The following FPGS variants were observed in gnomAD, a reference collection of about 807,000 sequenced individuals.
The protein encoded by FPGS is folylpolyglutamate synthase, mitochondrial.
A neutral mutation model predicts 66.5 loss-of-function variants in FPGS; 53 were observed. That is an observed-to-expected ratio of 0.80 (90% CI 0.64 to 1.00). The LOEUF (loss-of-function observed/expected upper bound fraction) is 1.00. Ranked by LOEUF, FPGS falls within the 50% of genes least tolerant of loss-of-function variation. The probability of loss-of-function intolerance (pLI) is 0.00; values close to 1 mark genes in which losing one functional copy is unlikely to be tolerated. For missense variants in FPGS, 702 were observed against 807.7 expected (o/e 0.87, Z 1.59); for synonymous variants, 348 against 350.9 (o/e 0.99, Z 0.09).
chr9:127,808,777 A>G (rs1374039900), intron 10 of FPGS, 23 bp from the exon 11 acceptor site: 6 of 1,555,388 alleles, frequency 3.9e-6, no homozygotes, highest in East Asian at 2.4e-5. Flanking sequence ...TCCCGGACAC[A>G]CTTGGTCTCA....
intron 14 of FPGS, among the ~76,000 whole-genome samples, chr9:127,811,314 A>C (rs985314604): frequency 3.5e-5 from 5 of 140,948 alleles, no homozygotes; most frequent in African/African-American, 1.2e-4. Flanking sequence ...CCGTCTCTAC[A>C]AAAAAAAAAT....
chr9:127,803,199 C>G (rs1196397857), intron 1 of FPGS, 137 bp downstream of exon 1: 13 of 1,251,652 alleles, frequency 1.0e-5, no homozygotes, highest in African/African-American at 4.7e-5. Context: ...GGCGGAACAT[C>G]CTGGAGGCTG....
chr9:127,812,186 C>T (rs767056340), intron 14 of FPGS, among the ~76,000 whole-genome samples: 2 of 152,112 alleles, frequency 1.3e-5, no homozygotes, highest in African/African-American at 2.4e-5. Flanking sequence ...AAGGTGGAGG[C>T]TGCAGTGAGT....
chr9:127,805,186 G>C (rs1829761057), intron 4 of FPGS, among the ~76,000 whole-genome samples: 1 of 151,980 alleles, frequency 6.6e-6, no homozygotes, highest in Admixed American at 6.6e-5. Context: ...ACGGTGCCTG[G>C]CCTTAATTTT....
In FPGS at chr9:127,804,701, G is replaced by A; in HGVS notation, c.386+1G>A. 6.2e-7 allele frequency: 1 copy of A among 1,613,926 alleles called. No individual in the cohort carries two copies. ...ATGGCCTGAAGACGGGATTCTTTAGGTACTGGCTTGTGGGGGGATGTGGTG... is the reference window on the plus strand; with the variant it reads ...ATGGCCTGAAGACGGGATTCTTTAGATACTGGCTTGTGGGGGGATGTGGTG... On this transcript the variant is annotated splice_donor_variant, in intron 4 of 14. Coordinates refer to ENST00000373247, the MANE Select transcript of FPGS (RefSeq NM_004957.6). LOFTEE classifies it high-confidence loss of function.
rs543307606 is a variant in FPGS, at chr9:127,808,888, C to G, written c.1059C>G (p.Leu353=). 5 of 1,557,830 alleles carry G rather than the reference C, an allele frequency of 3.2e-6. No homozygotes were observed. The African/African-American group carries it at 6.8e-5, about 21-fold the overall frequency. ...PVFQPTSHMR[L]GLRNTEWPGR... is the part of the protein sequence containing the mutation. ...TCCAGCCCACATCCCACATGCGGCT[C>G]GGTGAGTTAGACCTTCCTGCCCAGC... The change falls in exon 11 of 15, where the codon CTC becomes CTG. Residue 353 remains leucine (L), a splice_region_variant and synonymous_variant. Coordinates refer to ENST00000373247, the MANE Select transcript of FPGS (RefSeq NM_004957.6).
At position 127,810,999 on chromosome 9, in the gene FPGS, A is replaced by C; in HGVS notation, c.1342A>C (p.Thr448Pro). ...FCPNLTEVSSTGNADQQNFTV... is the reference protein window; with the variant it reads ...FCPNLTEVSSPGNADQQNFTV... ...CCCTAACCTGACAGAGGTGTCATCC[A>C]CAGGCAACGCAGGTGAGAGGTGACA... Residue 448 changes from threonine (T) to proline (P), a missense_variant, in exon 14 of 15, where the codon ACA becomes CCA. Transcript: ENST00000373247. 3 of 1,590,416 alleles carry C rather than the reference A, an allele frequency of 1.9e-6. No individual in the cohort carries two copies. Among genetic ancestry groups the C allele is most frequent in the Middle Eastern group, 1.7e-4 (1 of 6,022 alleles).
downstream of FPGS, chr9:127,814,138 G>T (rs140793659): frequency 2.0e-6 from 2 of 986,100 alleles, no homozygotes; most frequent in East Asian, 1.1e-4. Context: ...GGTGGTCAGG[G>T]ACCTGCACTG....
Position 127,807,132 on chromosome 9 carries a change from C to T in FPGS, c.501+45C>T. 1.9e-6 allele frequency: 3 copies of T among 1,609,060 alleles called. No individual in the cohort carries two copies. In the South Asian group the frequency reaches 3.3e-5, roughly 18 times the overall value. On this transcript the variant is annotated intron_variant, in intron 5 of 14. Coordinates refer to ENST00000373247, the MANE Select transcript of FPGS (RefSeq NM_004957.6). The surrounding 1 kb of genome is among the most constrained non-coding windows in gnomAD (Gnocchi z 5.8). ...TGGCGGGTGGGTATGGTTGGGGGTGCTACGTGTTCCAGCACCCCATCTCCC... is the reference window on the plus strand; with the variant it reads ...TGGCGGGTGGGTATGGTTGGGGGTGTTACGTGTTCCAGCACCCCATCTCCC...
In FPGS at chr9:127,813,823, G is replaced by C. The variant is rs113628818; in HGVS notation, c.*219G>C. The C allele has an allele frequency of 7.9e-7, 1 of 1,262,574 alleles. No homozygotes were observed. The highest frequency in any genetic ancestry group is 1.5e-5 in the African/African-American group (1 of 64,652). 78.2% of individuals were successfully genotyped at this position (1,262,574 alleles called of 1,614,324 possible). On this transcript the variant is annotated 3_prime_UTR_variant, in exon 15 of 15. Transcript: ENST00000373247. Reference sequence around the variant, plus strand: ...GGCTGAGATAGCAGAGGGGCTCCCCGGGTCTCTCACTGTTGCAGTGGCCTG... The same window carrying C: ...GGCTGAGATAGCAGAGGGGCTCCCCCGGTCTCTCACTGTTGCAGTGGCCTG...
rs769110168 is a variant in FPGS at position 127,813,190 on chromosome 9, C to G, written c.1355-5C>G. 1 of 1,567,422 alleles carries G rather than the reference C, an allele frequency of 6.4e-7. No individual in the cohort carries two copies. The highest frequency in any genetic ancestry group is 8.7e-7 in the Non-Finnish European group (1 of 1,152,528). On this transcript the variant is annotated splice_region_variant and splice_polypyrimidine_tract_variant and intron_variant, in intron 14 of 14. Coordinates refer to ENST00000373247, the MANE Select transcript of FPGS (RefSeq NM_004957.6). Reference sequence around the variant, plus strand: ...CGCTGATAGGCCTTTCTCTGTGCCCCACAGACCAACAGAACTTCACAGTGA... The same window carrying G: ...CGCTGATAGGCCTTTCTCTGTGCCCGACAGACCAACAGAACTTCACAGTGA...
intron 4 of FPGS, among the ~76,000 whole-genome samples, chr9:127,805,140 C>G (rs190491457): frequency 2.0e-5 from 3 of 152,156 alleles, no homozygotes; most frequent in East Asian, 3.9e-4. Context: ...CCGCCCACCT[C>G]GGCCTCCTAA....
rs753615973 is a variant in FPGS, at chr9:127,802,954, C to T, written c.30C>T (p.Ala10=). Residue 10 remains alanine, a synonymous_variant, in exon 1 of 15, where the codon GCC becomes GCT. Transcript: ENST00000373247. ...CGCGGGCGCGGAGCCACCTGCGCGC[C>T]GCTCTATTCCTGGCAGCGGCGTCTG... is the stretch of plus-strand genomic sequence containing the variant. MSRARSHLR[A]ALFLAAASAR... The T allele has an allele frequency of 2.3e-5, 32 of 1,412,386 alleles. 2 individuals are homozygous for T. The South Asian group carries it at 4.5e-4, about 20-fold the overall frequency. The allele number at this position is 1,412,386 out of a possible 1,614,324, so 87.5% of individuals were successfully genotyped here.
downstream of FPGS, chr9:127,814,099 C>G (rs1564449360): frequency 3.0e-6 from 3 of 986,524 alleles, no homozygotes; most frequent in East Asian, 1.1e-4. Context: ...CCCCCTGCTC[C>G]CTCAGCAGAG....
At position 127,804,391 on chromosome 9, in the gene FPGS, A is replaced by C; in HGVS notation, c.245A>C (p.Tyr82Ser). Residue 82 changes from tyrosine to serine, a missense_variant, in exon 2 of 15, where the codon TAC becomes TCC. Physicochemically the swap from Tyr to Ser is moderately radical, Grantham distance 144. Around this residue, in one of 3 missense-constraint regions of FPGS, gnomAD observed 240 missense variants for 348.6 expected, o/e 0.69. Coordinates refer to ENST00000373247, the MANE Select transcript of FPGS (RefSeq NM_004957.6). ...PQTQLEAMEL[Y>S]LARSGLQVED... ...ACACAGTTGGAAGCCATGGAACTGT[A>C]CCTGGCACGGAGTGGGCTGCAGGTA... is the stretch of plus-strand genomic sequence containing the variant. The C allele has an allele frequency of 6.2e-7, 1 of 1,614,204 alleles. No homozygotes were observed. Among genetic ancestry groups the C allele is most frequent in the Non-Finnish European group, 8.5e-7 (1 of 1,180,028 alleles).
chr9:127,811,862 G>C (rs1297404885), intron 14 of FPGS, among the ~76,000 whole-genome samples: 2 of 152,140 alleles, frequency 1.3e-5, no homozygotes, highest in East Asian at 1.9e-4. Flanking sequence ...GGTAGGTCCT[G>C]TTTGGTGAAG....
In FPGS at chr9:127,807,880, AG is replaced by A; in HGVS notation, c.744+194del. The A allele has an allele frequency of 1.7e-6, 1 of 577,310 alleles. No homozygotes were observed. The highest frequency in any genetic ancestry group is 3.3e-5 in the Admixed American group (1 of 30,228). The allele number at this position is 577,310 out of a possible 1,614,324, so 35.8% of individuals were successfully genotyped here. ...CAGCATTTCAGGAGGTCGAGGTGAG[AG>A]GATCACCTGAGATCCGGAGTTTGAG... is the stretch of plus-strand genomic sequence containing the variant. On this transcript the variant is annotated intron_variant, in intron 8 of 14. Transcript: ENST00000373247. This position sits in a 1 kb window ranked among gnomAD's most constrained non-coding sequence, Gnocchi z 5.8.
chr9:127,812,225 C>G (rs1830109708), intron 14 of FPGS, among the ~76,000 whole-genome samples: 3 of 152,070 alleles, frequency 2.0e-5, no homozygotes, highest in Admixed American at 6.6e-5. Flanking sequence ...TCACTGCACT[C>G]CAGCCTGGGT....
chr9:127,808,762 G>A, intron 10 of FPGS, 38 bp from the exon 11 acceptor site: 1 of 1,555,572 alleles, frequency 6.4e-7, no homozygotes, highest in Non-Finnish European at 8.7e-7. Context: ...GCCTGCCTAG[G>A]AGGGTCCCGG....
Sources: gnomAD v4.1 joint callset for allele counts (sites outside exome capture counted in the v4.1 genomes callset) on GRCh38, gnomAD v4.1.1 for gene constraint, gnomAD v4.1.1 regional missense constraint, Gnocchi (gnomAD v3.1) non-coding constraint, MANE v1.5 for transcripts, NCBI Gene and HGNC (gene_info 2026-07-23, HGNC 2026-07-21) for gene names.